SMAD1: variants seen among roughly 807,000 people sequenced by gnomAD.
SMAD1 encodes SMAD family member 1.
A neutral mutation model predicts 41.6 loss-of-function variants in SMAD1; 6 were observed. The observed-to-expected ratio is 0.14, with a 90% CI of 0.08 to 0.28. SMAD1 has a LOEUF of 0.28. Ranked by LOEUF, SMAD1 falls within the 10% of genes least tolerant of loss-of-function variation. The pLI, the probability that SMAD1 is intolerant of heterozygous loss-of-function variation, is 1.00. For synonymous variants in SMAD1, 206 were observed against 203.2 expected (o/e 1.01, Z -0.12); for missense variants, 379 against 582.6 (o/e 0.65, Z 3.60).
At chr4:145,541,251 A>G (rs1731915812) in intron 3 of SMAD1, among the ~76,000 whole-genome samples, 1 of 152,214 alleles carries the variant, frequency 6.6e-6, no homozygotes, top group Admixed American at 6.5e-5. Context: ...TTGTCCCTAA[A>G]TGTCAGGGAT....
chr4:145,486,558 T>A (rs906785236), intron 1 of SMAD1, among the ~76,000 whole-genome samples: 4 of 152,228 alleles, frequency 2.6e-5, no homozygotes, highest in Non-Finnish European at 4.4e-5. Flanking sequence ...TATCTTCTTA[T>A]TCCCACCTTC....
intron 2 of SMAD1, among the ~76,000 whole-genome samples, chr4:145,518,528 C>T (rs1318758183): frequency 5.6e-5 from 7 of 124,112 alleles, no homozygotes; most frequent in African/African-American, 1.8e-4. Flanking sequence ...GACTTAGCCC[C>T]TCACACTGCC....
intron 2 of SMAD1, among the ~76,000 whole-genome samples, chr4:145,516,537 A>G (rs1308399922): frequency 3.9e-5 from 6 of 152,154 alleles, no homozygotes; most frequent in Admixed American, 2.0e-4. Flanking sequence ...TCCTTTTAAA[A>G]GTTACATTTT....
At chr4:145,541,356 G>A (rs372117442) in intron 3 of SMAD1, among the ~76,000 whole-genome samples, 13 of 152,258 alleles carry the variant, frequency 8.5e-5, no homozygotes, top group African/African-American at 2.9e-4. Flanking sequence ...AAGAATTATC[G>A]GGTTCCTCTT....
chr4:145,554,302 T>A (rs1036601840), intron 6 of SMAD1, among the ~76,000 whole-genome samples: 1 of 152,178 alleles, frequency 6.6e-6, no homozygotes, highest in Non-Finnish European at 1.5e-5. Context: ...CCGCTTTAGC[T>A]ATTGTATTAC....
chr4:145,517,883 A>G (rs895635216), intron 2 of SMAD1, among the ~76,000 whole-genome samples: 1 of 126,928 alleles, frequency 7.9e-6, no homozygotes, highest in African/African-American at 2.5e-5. Flanking sequence ...ATGCCATTTC[A>G]GCCTCTCCTT....
chr4:145,517,742 A>G (rs144212775), intron 2 of SMAD1, among the ~76,000 whole-genome samples: 993 of 73,700 alleles, frequency 0.013, 287 homozygotes, highest in Middle Eastern at 0.062. Context: ...TGGCTATTAC[A>G]CCTCTGATAC....
chr4:145,524,464 C>T (rs1165703393), intron 2 of SMAD1, among the ~76,000 whole-genome samples: 1 of 152,064 alleles, frequency 6.6e-6, no homozygotes, highest in East Asian at 1.9e-4. Flanking sequence ...AGTTGTTATA[C>T]ATCGATGGAA....
chr4:145,556,601 G>T (rs1732851195), intron 6 of SMAD1, among the ~76,000 whole-genome samples: 2 of 151,988 alleles, frequency 1.3e-5, no homozygotes, highest in South Asian at 4.2e-4. Context: ...GGGATTACAG[G>T]CGTGTGGCCA....
At chr4:145,528,358 C>T (rs1226303085) in intron 2 of SMAD1, among the ~76,000 whole-genome samples, 9 of 152,048 alleles carry the variant, frequency 5.9e-5, no homozygotes, top group Admixed American at 5.2e-4. Context: ...CCTCCTCAGC[C>T]TCCCAAAGTG....
rs755987026 is a variant in SMAD1, at chr4:145,534,402, C to CT, written c.401-5395dup. ...GTGACCTCAATAAAAGTATTAATAA[C>CT]TTTTTTTACCGGAGGTAAACAAGGT... On this transcript the variant is annotated intron_variant, in intron 2 of 6. Transcript: ENST00000302085. Among the ~76,000 whole-genome samples the CT allele has an allele frequency of 3.3e-5, 5 of 152,224 alleles. No homozygotes were observed. The South Asian group carries it at 6.2e-4, about 19-fold the overall frequency.
chr4:145,509,988 G>A (rs1201269672), intron 1 of SMAD1, among the ~76,000 whole-genome samples: 3 of 152,146 alleles, frequency 2.0e-5, no homozygotes, highest in Non-Finnish European at 4.4e-5. Flanking sequence ...AGTTCCAAAG[G>A]TAAGAAAATA....
rs777183275 is a variant in SMAD1, at chr4:145,551,663, C to T, written c.998-2121C>T. 5.9e-5 allele frequency among the ~76,000 whole-genome samples: 9 copies of T among 152,270 alleles called. No individual in the cohort carries two copies. In the South Asian group the frequency reaches 1.7e-3, roughly 28 times the overall value. ...AGAAACGCAGATGGCTAATAAACTA[C>T]GAGAGCATATCCAGCCTCACAGGCA... On this transcript the variant is annotated intron_variant, in intron 5 of 6. Transcript: ENST00000302085.
chr4:145,490,548 G>A (rs1019377621), intron 1 of SMAD1, among the ~76,000 whole-genome samples: 14 of 152,178 alleles, frequency 9.2e-5, no homozygotes, highest in African/African-American at 3.4e-4. Flanking sequence ...TCACTTTGTG[G>A]CCTGGTAGGC....
intron 2 of SMAD1, among the ~76,000 whole-genome samples, chr4:145,533,735 G>A (rs573832008): frequency 6.6e-6 from 1 of 152,274 alleles, no homozygotes; most frequent in South Asian, 2.1e-4. Context: ...AAGCAAATAA[G>A]GAAGTTTTTG....
chr4:145,504,639 T>C (rs1298707217), intron 1 of SMAD1, among the ~76,000 whole-genome samples: 1 of 152,224 alleles, frequency 6.6e-6, no homozygotes, highest in Non-Finnish European at 1.5e-5. Flanking sequence ...TGGCAGTTTC[T>C]GCCTCAGCCC....
intron 1 of SMAD1, among the ~76,000 whole-genome samples, chr4:145,491,994 G>A (rs1465714821): frequency 6.6e-6 from 1 of 151,904 alleles, no homozygotes; most frequent in Non-Finnish European, 1.5e-5. Context: ...TCCCCTTGTA[G>A]TAAAACCTTA....
intron 1 of SMAD1, chr4:145,502,883 T>C (rs1476535570): frequency 6.6e-6 from 1 of 152,226 alleles, no homozygotes; most frequent in Admixed American, 6.5e-5. Flanking sequence ...CACTTAACAC[T>C]GTTGAGGGAC....
intron 5 of SMAD1, among the ~76,000 whole-genome samples, chr4:145,548,063 A>G (rs903337450): frequency 6.6e-6 from 1 of 152,076 alleles, no homozygotes. Context: ...ACCCTGGAGC[A>G]TCTTGTTGTG....
Sources: gnomAD v4.1 joint callset for allele counts (sites outside exome capture counted in the v4.1 genomes callset) on GRCh38, gnomAD v4.1.1 for gene constraint, MANE v1.5 for transcripts, NCBI Gene and HGNC (gene_info 2026-07-23, HGNC 2026-07-21) for gene names.